GPHN: variants seen among roughly 807,000 people sequenced by gnomAD.
GPHN encodes the protein gephyrin.
Under a neutral mutation model 95.5 loss-of-function variants are expected in GPHN, and 17 were observed. The observed-to-expected ratio is 0.18, with a 90% CI of 0.12 to 0.27. The LOEUF is 0.27. Ranked by LOEUF, GPHN falls within the 10% of genes least tolerant of loss-of-function variation. GPHN has a pLI of 1.00. For missense variants in GPHN, 660 were observed against 978.1 expected (o/e 0.67, Z 4.34); for synonymous variants, 320 against 322.5 (o/e 0.99, Z 0.08).
intron 8 of GPHN, among the ~76,000 whole-genome samples, chr14:66,952,193 C>A (rs893644041): frequency 6.6e-6 from 1 of 152,198 alleles, no homozygotes; most frequent in Non-Finnish European, 1.5e-5. Flanking sequence ...AGTCTATTCT[C>A]CATTCCCTCT....
the GPHN span, among the ~76,000 whole-genome samples, chr14:67,553,016 T>C: frequency 2.0e-5 from 3 of 152,344 alleles, no homozygotes; most frequent in East Asian, 5.8e-4. Flanking sequence ...ACCAATGTCA[T>C]TGACTTATCA....
At chr14:66,591,386 T>C (rs933788318) in intron 1 of GPHN, among the ~76,000 whole-genome samples, 3 of 152,166 alleles carry the variant, frequency 2.0e-5, no homozygotes, top group Non-Finnish European at 4.4e-5. Flanking sequence ...GCAGATAACA[T>C]GACTGTATAT....
chr14:66,847,603 G>A (rs2062389119), intron 4 of GPHN, among the ~76,000 whole-genome samples: 1 of 151,808 alleles, frequency 6.6e-6, no homozygotes, highest in Non-Finnish European at 1.5e-5. Flanking sequence ...TCTAAATTAG[G>A]CAACTACTCC....
chr14:67,240,193 C>A, the GPHN span, among the ~76,000 whole-genome samples: 38 of 152,190 alleles, frequency 2.5e-4, no homozygotes, highest in African/African-American at 9.2e-4. Flanking sequence ...GATAACAAAT[C>A]TGGGAAGGGT....
the GPHN span, among the ~76,000 whole-genome samples, chr14:67,374,025 G>T: frequency 6.6e-6 from 1 of 152,014 alleles, no homozygotes; most frequent in Non-Finnish European, 1.5e-5. Context: ...TCTCCAGTAA[G>T]GTAATGGAAT....
At chr14:66,512,898 T>C (rs1259342809) in intron 1 of GPHN, among the ~76,000 whole-genome samples, 1 of 151,846 alleles carries the variant, frequency 6.6e-6, no homozygotes, top group East Asian at 1.9e-4. Flanking sequence ...ATACATATTA[T>C]ATCTGTTTTG....
chr14:67,160,851 G>A (rs1357335873), intron 19 of GPHN, among the ~76,000 whole-genome samples: 6 of 152,138 alleles, frequency 3.9e-5, no homozygotes, highest in East Asian at 1.9e-4. Flanking sequence ...TTACCTCCAC[G>A]ATTTGGCCAT....
chr14:66,745,229 G>A (rs1349833256), intron 2 of GPHN, among the ~76,000 whole-genome samples: 1 of 151,972 alleles, frequency 6.6e-6, no homozygotes, highest in Non-Finnish European at 1.5e-5. Flanking sequence ...ATGAACAGCT[G>A]CACTCTGCAC....
At chr14:66,982,056 T>G (rs2153598966) in intron 9 of GPHN, among the ~76,000 whole-genome samples, 1 of 152,328 alleles carries the variant, frequency 6.6e-6, no homozygotes, top group African/African-American at 2.4e-5. Flanking sequence ...CTTAATGCAG[T>G]TATCATAAGC....
chr14:66,562,003 C>T (rs1301630833), intron 1 of GPHN, among the ~76,000 whole-genome samples: 2 of 152,038 alleles, frequency 1.3e-5, no homozygotes, highest in Non-Finnish European at 2.9e-5. Flanking sequence ...TGCCATTTGC[C>T]CTATTCTCTT....
chr14:67,514,920 C>T, the GPHN span, among the ~76,000 whole-genome samples: 1 of 152,236 alleles, frequency 6.6e-6, no homozygotes. Flanking sequence ...GCCTCGAAAC[C>T]GAAAGCAAAG....
At chr14:66,856,511 G>A (rs1306235010) in intron 4 of GPHN, among the ~76,000 whole-genome samples, 2 of 152,018 alleles carry the variant, frequency 1.3e-5, no homozygotes, top group Non-Finnish European at 1.5e-5. Flanking sequence ...GAAGAGTAGC[G>A]TTTATGAGTT....
the GPHN span, among the ~76,000 whole-genome samples, chr14:67,198,558 C>T: frequency 6.6e-6 from 1 of 152,212 alleles, no homozygotes; most frequent in South Asian, 2.1e-4. Context: ...ACCATAATTG[C>T]CATTCCATCA....
chr14:66,825,729 G>A (rs2061364685), intron 4 of GPHN, among the ~76,000 whole-genome samples: 1 of 152,034 alleles, frequency 6.6e-6, no homozygotes, highest in Admixed American at 6.6e-5. Context: ...TATAATTAGG[G>A]TTTTAAATAA....
intron 1 of GPHN, among the ~76,000 whole-genome samples, chr14:66,621,761 C>T (rs545945360): frequency 6.6e-6 from 1 of 152,192 alleles, no homozygotes; most frequent in African/African-American, 2.4e-5. Context: ...TCTCCTTTGA[C>T]TCCATATCTC....
At chr14:67,724,223 C>T in the GPHN span, among the ~76,000 whole-genome samples, 1 of 152,198 alleles carries the variant, frequency 6.6e-6, no homozygotes, top group Non-Finnish European at 1.5e-5. Context: ...CCAGCATTTA[C>T]TCTGTTTGCT....
the GPHN span, among the ~76,000 whole-genome samples, chr14:67,263,714 A>C: frequency 1.8e-4 from 28 of 152,308 alleles, no homozygotes; most frequent in South Asian, 5.8e-3. Flanking sequence ...TTGTAAACTG[A>C]TGATAACTTT....
chr14:66,934,796 A>G (rs1003697197), intron 8 of GPHN, among the ~76,000 whole-genome samples: 2 of 152,228 alleles, frequency 1.3e-5, no homozygotes, highest in African/African-American at 2.4e-5. Context: ...CCCTTCTTGA[A>G]CTATACAGAC....
chr14:66,954,042 A>G (rs1205184114), intron 8 of GPHN, among the ~76,000 whole-genome samples: 1 of 152,094 alleles, frequency 6.6e-6, no homozygotes, highest in Non-Finnish European at 1.5e-5. Context: ...TCTCAAAAAA[A>G]AAAAAAAAAA....
Sources: allele counts gnomAD v4.1 joint callset (sites outside exome capture counted in the v4.1 genomes callset), GRCh38; gene constraint gnomAD v4.1.1; transcripts MANE v1.5; gene names NCBI Gene and HGNC (gene_info 2026-07-23, HGNC 2026-07-21).